PPP2R2C: variants seen among roughly 807,000 people sequenced by gnomAD.
The protein encoded by PPP2R2C is protein phosphatase 2 regulatory subunit Bgamma.
In PPP2R2C, 10 loss-of-function variants were observed where a neutral mutation model predicts 45.3. The ratio of observed to expected loss-of-function variants is 0.22; its 90% CI spans 0.14 to 0.37. The LOEUF is 0.37. Among genes scored for constraint, PPP2R2C ranks in the 10% least tolerant of loss-of-function variants. The pLI is 1.00. For missense variants in PPP2R2C, 308 were observed against 619.7 expected (o/e 0.50, Z 5.34); for synonymous variants, 257 against 245.4 (o/e 1.05, Z -0.44).
intron 1 of PPP2R2C, among the ~76,000 whole-genome samples, chr4:6,463,602 C>T (rs1721441424): frequency 2.0e-5 from 3 of 152,238 alleles, no homozygotes; most frequent in South Asian, 2.1e-4. Flanking sequence ...GCTCCCGGGC[C>T]GGCTGGCAAC....
chr4:6,403,474 G>A lies in PPP2R2C; in HGVS notation c.71-22380C>T, dbSNP rs1182571264. On this transcript the variant is annotated intron_variant, in intron 1 of 8. Coordinates refer to ENST00000382599, the MANE Select transcript of PPP2R2C (RefSeq NM_020416.4). ...AGCGGGGTGAGGCTGTGCGCCAGGGGTTGCAGGAGGTCCCCACCCCCACGG... is the reference window on the plus strand; with the variant it reads ...AGCGGGGTGAGGCTGTGCGCCAGGGATTGCAGGAGGTCCCCACCCCCACGG... Among the ~76,000 whole-genome samples, 6 of 152,344 alleles carry A rather than the reference G, an allele frequency of 3.9e-5. No individual in the cohort carries two copies. The East Asian group carries it at 9.6e-4, about 24-fold the overall frequency.
chr4:6,448,703 G>A (rs958570360), intron 1 of PPP2R2C, among the ~76,000 whole-genome samples: 6 of 152,106 alleles, frequency 3.9e-5, no homozygotes, highest in African/African-American at 1.4e-4. Context: ...GAAGCCCAGG[G>A]ACATTCCCCG....
At chr4:6,541,494 A>T (rs988318535) in intron 1 of PPP2R2C, among the ~76,000 whole-genome samples, 1 of 152,102 alleles carries the variant, frequency 6.6e-6, no homozygotes, top group African/African-American at 2.4e-5. Context: ...CAGATCCTCA[A>T]AAACCCTGCC....
chr4:6,436,271 C>T (rs1303760068), intron 1 of PPP2R2C, among the ~76,000 whole-genome samples: 1 of 152,242 alleles, frequency 6.6e-6, no homozygotes, highest in Non-Finnish European at 1.5e-5. Context: ...CCAGCCAATG[C>T]ACTTGTTCTT....
rs755400465 is a variant in PPP2R2C, at chr4:6,472,150, C to A, written c.70+10G>T. On this transcript the variant is annotated intron_variant, in intron 1 of 8. Coordinates refer to ENST00000382599, the MANE Select transcript of PPP2R2C (RefSeq NM_020416.4). ...CCGGCCGGAGGGGTCTCAGACAACA[C>A]GTACGTTACCTTCAGTCACATAGCT... 3.1e-6 allele frequency: 5 copies of A among 1,613,524 alleles called. No homozygotes were observed. In the South Asian group the frequency reaches 5.5e-5, roughly 18 times the overall value.
chr4:6,500,306 C>G (rs1723008940), intron 2 of PPP2R2C, among the ~76,000 whole-genome samples: 1 of 152,280 alleles, frequency 6.6e-6, no homozygotes, highest in Non-Finnish European at 1.5e-5. Context: ...CACCACCATA[C>G]CCAGATGATC....
upstream of PPP2R2C, among the ~76,000 whole-genome samples, chr4:6,475,885 G>A (rs780194897): frequency 6.6e-6 from 1 of 152,204 alleles, no homozygotes; most frequent in Non-Finnish European, 1.5e-5. Flanking sequence ...GGGCCTTTGG[G>A]AGATTTGGGT....
At chr4:6,374,640 T>C (rs1715147021) in intron 4 of PPP2R2C, among the ~76,000 whole-genome samples, 2 of 152,106 alleles carry the variant, frequency 1.3e-5, no homozygotes, top group African/African-American at 4.8e-5. Flanking sequence ...CCTCCTGGGG[T>C]GCCCACGGCC....
At chr4:6,501,893 T>C (rs4689467) in intron 2 of PPP2R2C, among the ~76,000 whole-genome samples, 48,580 of 152,054 alleles carry the variant, frequency 0.32, 8,972 homozygotes, top group East Asian at 0.74. Context: ...GTCTTTTTGG[T>C]CCCAGAGCTC....
intron 1 of PPP2R2C, chr4:6,414,156 C>T (rs970933247): frequency 5.6e-5 from 63 of 1,123,008 alleles, no homozygotes; most frequent in Non-Finnish European, 5.2e-5. Context: ...AAACAAAATA[C>T]GGCCTAGTAT....
At chr4:6,508,922 A>G (rs1314327455) in intron 2 of PPP2R2C, among the ~76,000 whole-genome samples, 2 of 152,210 alleles carry the variant, frequency 1.3e-5, no homozygotes, top group Non-Finnish European at 2.9e-5. Flanking sequence ...ACCCCAAGTC[A>G]TAGGTCAAAC....
intron 1 of PPP2R2C, chr4:6,382,068 G>A (rs1181891798): frequency 1.9e-5 from 27 of 1,389,542 alleles, no homozygotes; most frequent in African/African-American, 2.9e-5. Context: ...CCACCAACAA[G>A]TTTTACTGCA....
At chr4:6,347,762 C>T (rs2109224750) in intron 6 of PPP2R2C, 84 bp downstream of exon 6, 1 of 1,462,552 alleles carries the variant, frequency 6.8e-7, no homozygotes, top group East Asian at 2.5e-5. Flanking sequence ...CCCACCACCC[C>T]TGCAGCAGCT....
chr4:6,424,798 G>GGGACA (rs1719194588), intron 1 of PPP2R2C, among the ~76,000 whole-genome samples: 1 of 152,194 alleles, frequency 6.6e-6, no homozygotes, highest in African/African-American at 2.4e-5. Context: ...CATGAGACCT[G>GGGACA]GGACACGTCA....
chr4:6,370,375 C>A (rs1294768258), intron 5 of PPP2R2C, among the ~76,000 whole-genome samples: 3 of 152,246 alleles, frequency 2.0e-5, no homozygotes, highest in African/African-American at 7.2e-5. Context: ...CCAGGCCGCT[C>A]AGTGAGCCCC....
intron 4 of PPP2R2C, among the ~76,000 whole-genome samples, chr4:6,375,180 C>G (rs575850805): frequency 6.6e-6 from 1 of 152,344 alleles, no homozygotes; most frequent in East Asian, 1.9e-4. Context: ...AGCTAATCGG[C>G]TGCCCACTTC....
intron 1 of PPP2R2C, among the ~76,000 whole-genome samples, chr4:6,402,159 T>C (rs553208400): frequency 6.6e-6 from 1 of 152,258 alleles, no homozygotes; most frequent in African/African-American, 2.4e-5. Flanking sequence ...TGGACGACTG[T>C]GATCTTCAAG....
At position 6,347,181 on chromosome 4, in the gene PPP2R2C, C is replaced by T. The variant is rs567619087; in HGVS notation, c.790+665G>A. ...TTCTGTTTCCTCTTCTGAACAGCATCTCCTGGGGCTTGTGTGAAGATTCGA... is the reference window on the plus strand; with the variant it reads ...TTCTGTTTCCTCTTCTGAACAGCATTTCCTGGGGCTTGTGTGAAGATTCGA... On this transcript the variant is annotated intron_variant, in intron 6 of 8. Transcript: ENST00000382599. 1.6e-4 allele frequency among the ~76,000 whole-genome samples: 25 copies of T among 152,266 alleles called. 1 individual carries two copies. The South Asian group carries it at 4.8e-3, about 29-fold the overall frequency.
At chr4:6,389,337 G>A (rs1173162540) in intron 1 of PPP2R2C, among the ~76,000 whole-genome samples, 4 of 152,214 alleles carry the variant, frequency 2.6e-5, no homozygotes, top group African/African-American at 9.6e-5. Flanking sequence ...CACCATAAGT[G>A]CTGCTGACAC....
Sources: allele counts gnomAD v4.1 joint callset (sites outside exome capture counted in the v4.1 genomes callset), GRCh38; gene constraint gnomAD v4.1.1; transcripts MANE v1.5; gene names NCBI Gene and HGNC (gene_info 2026-07-23, HGNC 2026-07-21).